IQCJ: variants seen among roughly 807,000 people sequenced by gnomAD.
IQCJ encodes the protein IQ motif containing J, also known as IQ domain-containing protein J.
Under a neutral mutation model 11.0 loss-of-function variants are expected in IQCJ, and 9 were observed. The observed-to-expected ratio is 0.82, with a 90% CI of 0.49 to 1.43. IQCJ has a LOEUF of 1.43. Ranked by LOEUF, IQCJ falls within the 40% of genes most tolerant of loss-of-function variation. The pLI is 0.00. For synonymous variants in IQCJ, 55 were observed against 51.3 expected (o/e 1.07, Z -0.31); for missense variants, 146 against 133.2 (o/e 1.10, Z -0.47).
chr3:159,156,728 T>C (rs531278321), intron 1 of IQCJ, among the ~76,000 whole-genome samples: 111 of 152,310 alleles, frequency 7.3e-4, no homozygotes, highest in Non-Finnish European at 1.4e-3. Flanking sequence ...GGTGTTCCAC[T>C]TTTGCATACC....
intron 1 of IQCJ, among the ~76,000 whole-genome samples, chr3:159,127,965 C>T (rs906472055): frequency 2.0e-5 from 3 of 152,142 alleles, no homozygotes; most frequent in African/African-American, 7.2e-5. Flanking sequence ...TATCATTGAT[C>T]TTTCATAAGT....
At chr3:159,074,369 C>T (rs142335610) in intron 1 of IQCJ, among the ~76,000 whole-genome samples, 5 of 152,028 alleles carry the variant, frequency 3.3e-5, no homozygotes, top group Admixed American at 6.6e-5. Flanking sequence ...TAAAAGAAGA[C>T]GTGAGGGGAA....
chr3:159,182,462 C>T (rs538869348), intron 1 of IQCJ, among the ~76,000 whole-genome samples: 17 of 152,056 alleles, frequency 1.1e-4, no homozygotes, highest in African/African-American at 2.7e-4. Flanking sequence ...CAGGACAAGC[C>T]GCAGACAAAA....
chr3:159,088,850 T>G (rs1364884602), intron 1 of IQCJ, among the ~76,000 whole-genome samples: 2 of 152,208 alleles, frequency 1.3e-5, no homozygotes, highest in African/African-American at 4.8e-5. Flanking sequence ...TACAGCACCC[T>G]GATGGGTCTT....
intron 1 of IQCJ, among the ~76,000 whole-genome samples, chr3:159,075,536 A>C (rs1323522394): frequency 6.6e-6 from 1 of 151,994 alleles, no homozygotes. Flanking sequence ...GGATTTGCAC[A>C]CTCTGACCTC....
intron 1 of IQCJ, among the ~76,000 whole-genome samples, chr3:159,150,885 GT>G (rs1253562259): frequency 6.6e-6 from 1 of 152,154 alleles, no homozygotes; most frequent in Non-Finnish European, 1.5e-5. Flanking sequence ...TCATATCCAT[GT>G]TTCTGAATGA....
chr3:159,263,552 C>T lies in IQCJ; in HGVS notation c.*821C>T. ...TAATTTGTAACCAGTCACTGAAATG[C>T]TGAAAAGTTAGAGAAATGAAGTAAT... On this transcript the variant is annotated 3_prime_UTR_variant, in exon 4 of 4. Coordinates refer to ENST00000397832, the MANE Select transcript of IQCJ (RefSeq NM_001042706.3). The T allele has an allele frequency of 1.0e-6, 1 of 985,222 alleles. No homozygotes were observed. The highest frequency in any genetic ancestry group is 1.2e-6 in the Non-Finnish European group (1 of 829,778). The allele number at this position is 985,222 out of a possible 1,614,324, so 61.0% of individuals were successfully genotyped here.
chr3:159,258,662 T>C (rs1450276402), intron 3 of IQCJ, among the ~76,000 whole-genome samples: 1 of 152,198 alleles, frequency 6.6e-6, no homozygotes, highest in Non-Finnish European at 1.5e-5. Flanking sequence ...AAATTCAGCC[T>C]ACTTGAGTTA....
downstream of IQCJ, chr3:159,265,494 T>G (rs73877576): frequency 2.0e-3 from 1,948 of 994,920 alleles, 19 homozygotes; most frequent in African/African-American, 0.028. Context: ...CTAACAACCA[T>G]GAGTCCATTT....
rs529310888 is a variant in IQCJ at position 159,228,083 on chromosome 3, C to CTCTT, written c.10-17757_10-17754dup. On this transcript the variant is annotated intron_variant, in intron 1 of 3. Transcript: ENST00000397832. ...CTGTTCCAGTAATTTCTTACTCCAT[C>CTCTT]TCTTTCCTTCCTCATCCTCTACCTT... Among the ~76,000 whole-genome samples the CTCTT allele has an allele frequency of 6.9e-3, 1,051 of 152,342 alleles. 10 individuals are homozygous for CTCTT. The highest frequency in any genetic ancestry group is 0.011 in the Non-Finnish European group (737 of 68,034).
intron 3 of IQCJ, among the ~76,000 whole-genome samples, chr3:159,260,354 A>G (rs768134637): frequency 6.6e-6 from 1 of 152,226 alleles, no homozygotes; most frequent in Non-Finnish European, 1.5e-5. Context: ...GGAAAAAAGG[A>G]CAGTGTAGAA....
At chr3:159,077,228 C>A (rs1715984029) in intron 1 of IQCJ, among the ~76,000 whole-genome samples, 1 of 152,120 alleles carries the variant, frequency 6.6e-6, no homozygotes, top group Non-Finnish European at 1.5e-5. Context: ...AAAGGCGGGG[C>A]TCTCAATAGT....
chr3:159,165,910 G>A (rs1722141555), intron 1 of IQCJ, among the ~76,000 whole-genome samples: 2 of 150,826 alleles, frequency 1.3e-5, no homozygotes, highest in South Asian at 2.1e-4. Flanking sequence ...ATTCAGGCAT[G>A]AGCCACCGCG....
chr3:159,198,231 T>A (rs1724106191), intron 1 of IQCJ, among the ~76,000 whole-genome samples: 1 of 152,196 alleles, frequency 6.6e-6, no homozygotes, highest in South Asian at 2.1e-4. Context: ...AAAGCATGTG[T>A]ACTATGCTTT....
intron 1 of IQCJ, among the ~76,000 whole-genome samples, chr3:159,172,838 A>G (rs1722563657): frequency 6.6e-6 from 1 of 151,948 alleles, no homozygotes; most frequent in African/African-American, 2.4e-5. Flanking sequence ...ATACAATGAA[A>G]CTCATCTCTA....
rs561552867 is a variant in IQCJ at position 159,108,591 on chromosome 3, A to G, written c.9+39150A>G. Among the ~76,000 whole-genome samples, 238 of 152,336 alleles carry G rather than the reference A, an allele frequency of 1.6e-3. 3 individuals carry two copies. In the South Asian group the frequency reaches 0.017, roughly 11 times the overall value. On this transcript the variant is annotated intron_variant, in intron 1 of 3. Transcript: ENST00000397832. ...ACTTACATTGAGCCTCTCTTAAGAA[A>G]AAGATTCTCAGTTATTTGCATAGAT... is the stretch of plus-strand genomic sequence containing the variant.
chr3:159,073,839 G>A (rs1326912820), intron 1 of IQCJ, among the ~76,000 whole-genome samples: 1 of 152,138 alleles, frequency 6.6e-6, no homozygotes, highest in African/African-American at 2.4e-5. Context: ...AATCTCGACT[G>A]AGGGCTGAAG....
intron 1 of IQCJ, among the ~76,000 whole-genome samples, chr3:159,081,868 A>G (rs1214330179): frequency 1.3e-5 from 2 of 152,146 alleles, no homozygotes; most frequent in Admixed American, 1.3e-4. Flanking sequence ...GAATAAACAT[A>G]CTTTTCTGTC....
chr3:159,189,134 A>G (rs1220427165), intron 1 of IQCJ, among the ~76,000 whole-genome samples: 1 of 152,180 alleles, frequency 6.6e-6, no homozygotes, highest in Non-Finnish European at 1.5e-5. Flanking sequence ...TAGGATGCAG[A>G]AGATAGCCAT....
Sources: allele counts gnomAD v4.1 joint callset (sites outside exome capture counted in the v4.1 genomes callset), GRCh38; gene constraint gnomAD v4.1.1; transcripts MANE v1.5; gene names NCBI Gene and HGNC (gene_info 2026-07-23, HGNC 2026-07-21).